The following RASGRF2 variants were observed in gnomAD, a reference collection of about 807,000 sequenced individuals.
The protein encoded by RASGRF2 is ras-specific guanine nucleotide-releasing factor 2.
In RASGRF2, 76 loss-of-function variants were observed where a neutral mutation model predicts 151.0. The ratio of observed to expected loss-of-function variants is 0.50; its 90% CI spans 0.42 to 0.61. RASGRF2 has a LOEUF of 0.61. Among genes scored for constraint, RASGRF2 ranks in the 20% least tolerant of loss-of-function variants. The pLI is 0.00. For missense variants in RASGRF2, 1,148 were observed against 1,564.6 expected (o/e 0.73, Z 4.49); for synonymous variants, 504 against 566.5 (o/e 0.89, Z 1.57).
intron 5 of RASGRF2, among the ~76,000 whole-genome samples, chr5:81,073,682 A>G (rs153245): frequency 0.69 from 105,462 of 151,822 alleles, 36,851 homozygotes; most frequent in African/African-American, 0.73. Flanking sequence ...GCAGTGGCAC[A>G]ATCTCGGCTC....
chr5:81,083,420 C>T (rs986644598), intron 7 of RASGRF2, among the ~76,000 whole-genome samples: 1 of 151,912 alleles, frequency 6.6e-6, no homozygotes, highest in Admixed American at 6.6e-5. Flanking sequence ...AATTGGAAGC[C>T]TTTAGCTTGT....
In RASGRF2 at chr5:81,215,909, G is replaced by C. The variant is rs1439210647; in HGVS notation, c.3388G>C (p.Val1130Leu). 7 of 1,549,646 alleles carry C rather than the reference G, an allele frequency of 4.5e-6. No homozygotes were observed. The highest frequency in any genetic ancestry group is 6.1e-6 in the Non-Finnish European group (7 of 1,156,766). Residue 1130 changes from valine (V) to leucine (L), a missense_variant, in exon 24 of 27, where the codon GTT (valine) becomes CTT (leucine). Physicochemically the swap from Val to Leu is conservative, Grantham distance 32. Coordinates refer to ENST00000265080, the MANE Select transcript of RASGRF2 (RefSeq NM_006909.3). The part of the protein sequence containing the change: ...KALMDKLQKT[V>L]SSEGRFKNLR... ...TCTAATGGACAAACTTCAAAAGACT[G>C]TTTCCTCTGAAGGAAGATTTAAAAA... is the stretch of plus-strand genomic sequence containing the variant.
intron 1 of RASGRF2, among the ~76,000 whole-genome samples, chr5:81,027,448 G>A (rs1025256023): frequency 4.6e-5 from 7 of 152,152 alleles, no homozygotes; most frequent in East Asian, 1.9e-4. Flanking sequence ...TCACCCATTA[G>A]CAGTCACTCT....
At chr5:80,980,982 A>G (rs1748281347) in intron 1 of RASGRF2, among the ~76,000 whole-genome samples, 1 of 152,142 alleles carries the variant, frequency 6.6e-6, no homozygotes, top group South Asian at 2.1e-4. Flanking sequence ...ACATCATGGT[A>G]AAATCCAGGC....
chr5:80,960,704 C>A lies in RASGRF2; in HGVS notation c.-35C>A. On this transcript the variant is annotated 5_prime_UTR_variant, in exon 1 of 27. Transcript: ENST00000265080. The surrounding 1 kb of genome is among the most constrained non-coding windows in gnomAD (Gnocchi z 5.5). ...CCATGGCCGCGAGGCAGGGGTGAGA[C>A]CGGCGGCCACCCGTGAGCCCTCCGC... 1 of 1,463,264 alleles carries A rather than the reference C, an allele frequency of 6.8e-7. No homozygotes were observed. Among genetic ancestry groups the A allele is most frequent in the Non-Finnish European group, 9.1e-7 (1 of 1,094,474 alleles). 90.6% of individuals were successfully genotyped at this position (1,463,264 alleles called of 1,614,324 possible). A position where few individuals can be genotyped will look rare whatever the true frequency, so the allele number is the denominator to read the frequency against.
chr5:81,101,009 C>G (rs1290247194), intron 12 of RASGRF2, among the ~76,000 whole-genome samples: 3 of 152,136 alleles, frequency 2.0e-5, no homozygotes, highest in African/African-American at 7.2e-5. Flanking sequence ...GTCCAAAGAC[C>G]AGCTGCTTCA....
chr5:81,190,831 C>T (rs186159507), intron 18 of RASGRF2, among the ~76,000 whole-genome samples: 21 of 152,256 alleles, frequency 1.4e-4, no homozygotes, highest in African/African-American at 3.4e-4. Context: ...ACTGATTTTC[C>T]GTTTTCATTA....
At chr5:81,103,509 G>T (rs987119338) in intron 12 of RASGRF2, among the ~76,000 whole-genome samples, 1 of 152,020 alleles carries the variant, frequency 6.6e-6, no homozygotes, top group Non-Finnish European at 1.5e-5. Context: ...CAGAAAGAAA[G>T]ATTCAAGGGA....
At chr5:81,162,956 CA>C (rs1412829600) in intron 17 of RASGRF2, among the ~76,000 whole-genome samples, 1 of 151,906 alleles carries the variant, frequency 6.6e-6, no homozygotes, top group Non-Finnish European at 1.5e-5. Flanking sequence ...ACACCGTGTG[CA>C]ATTGGCCCAT....
At chr5:80,991,353 C>T (rs534036035) in intron 1 of RASGRF2, among the ~76,000 whole-genome samples, 2 of 152,120 alleles carry the variant, frequency 1.3e-5, no homozygotes, top group Admixed American at 6.6e-5. Context: ...TGAGCCCAGG[C>T]GGTGGATGTT....
chr5:81,110,160 A>T (rs1337266334), intron 13 of RASGRF2, among the ~76,000 whole-genome samples: 1 of 152,184 alleles, frequency 6.6e-6, no homozygotes, highest in Non-Finnish European at 1.5e-5. Flanking sequence ...AAAGAAAAAA[A>T]ATTATCTTAT....
chr5:81,068,315 C>A, intron 3 of RASGRF2, 136 bp downstream of exon 3: 1 of 937,614 alleles, frequency 1.1e-6, no homozygotes, highest in Non-Finnish European at 1.6e-6. Flanking sequence ...CGTGGCTGGG[C>A]CTGACCTAGA....
At position 81,225,773 on chromosome 5, in the gene RASGRF2, A is replaced by T; in HGVS notation, c.*3A>T. Reference sequence around the variant, plus strand: ...TTGAACCTCGACTCCCTGCTTGAAGATCTGGCCTTGCCCCTGAGTCCACGG... The same window carrying T: ...TTGAACCTCGACTCCCTGCTTGAAGTTCTGGCCTTGCCCCTGAGTCCACGG... On this transcript the variant is annotated 3_prime_UTR_variant, in exon 27 of 27. Transcript: ENST00000265080. 6.2e-7 allele frequency: 1 copy of T among 1,611,396 alleles called. No individual in the cohort carries two copies. Among genetic ancestry groups the T allele is most frequent in the Admixed American group, 1.7e-5 (1 of 59,138 alleles).
At chr5:80,995,684 T>TTCCCCCC (rs759339620) in intron 1 of RASGRF2, among the ~76,000 whole-genome samples, 3 of 69,460 alleles carry the variant, frequency 4.3e-5, no homozygotes, top group Admixed American at 2.3e-4. Context: ...TTCCTTTCCT[T>TTCCCCCC]CCCCCCCCCT....
At chr5:81,176,288 A>G (rs181291399) in intron 17 of RASGRF2, among the ~76,000 whole-genome samples, 1 of 152,164 alleles carries the variant, frequency 6.6e-6, no homozygotes, top group Non-Finnish European at 1.5e-5. Context: ...AATCATGTGG[A>G]AGCCATTCTC....
Position 81,212,467 on chromosome 5 carries a change from C to A in RASGRF2, c.3258C>A (p.Cys1086Ter). 6.2e-7 allele frequency: 1 copy of A among 1,613,776 alleles called. No individual in the cohort carries two copies. Among genetic ancestry groups the A allele is most frequent in the Non-Finnish European group, 8.5e-7 (1 of 1,179,868 alleles). Residue 1086 changes from cysteine (C) to a stop codon, truncating the protein, a stop_gained, in exon 23 of 27, where the codon TGC becomes TGA. Coordinates refer to ENST00000265080, the MANE Select transcript of RASGRF2 (RefSeq NM_006909.3). LOFTEE classifies it high-confidence loss of function. ...KWVAVADICRCLHNYNGVLEI... is the reference protein window; with the variant it reads ...KWVAVADICR ...TGGCAGTGGCGGACATCTGCCGATGCCTGCACAACTACAACGGCGTGCTGG... is the reference window on the plus strand; with the variant it reads ...TGGCAGTGGCGGACATCTGCCGATGACTGCACAACTACAACGGCGTGCTGG...
At chr5:81,117,221 G>C (rs887571803) in intron 15 of RASGRF2, among the ~76,000 whole-genome samples, 1 of 152,110 alleles carries the variant, frequency 6.6e-6, no homozygotes, top group Admixed American at 6.6e-5. Flanking sequence ...TAGACTTGGG[G>C]TATCTTACTT....
At chr5:81,199,309 T>G (rs1755335598) in intron 18 of RASGRF2, among the ~76,000 whole-genome samples, 1 of 152,214 alleles carries the variant, frequency 6.6e-6, no homozygotes, top group South Asian at 2.1e-4. Context: ...CAATGCTTCT[T>G]CAAAATTAGA....
intron 18 of RASGRF2, among the ~76,000 whole-genome samples, chr5:81,192,868 A>G (rs1476152433): frequency 6.6e-6 from 1 of 152,064 alleles, no homozygotes; most frequent in African/African-American, 2.4e-5. Context: ...CCACAATTTA[A>G]ATTCTTCATC....
Sources: allele counts gnomAD v4.1 joint callset (sites outside exome capture counted in the v4.1 genomes callset), GRCh38; gene constraint gnomAD v4.1.1; non-coding constraint Gnocchi (gnomAD v3.1); transcripts MANE v1.5; gene names NCBI Gene and HGNC (gene_info 2026-07-23, HGNC 2026-07-21).